PPP1CB: variants seen among roughly 807,000 people sequenced by gnomAD.
PPP1CB encodes the protein serine/threonine-protein phosphatase PP1-beta catalytic subunit.
PPP1CB carries 2 observed loss-of-function variants against 43.7 expected under a neutral mutation model. That is an observed-to-expected ratio of 0.05 (90% confidence interval 0.02 to 0.14). PPP1CB has a LOEUF of 0.14. Ranked by LOEUF, PPP1CB falls within the 10% of genes least tolerant of loss-of-function variation. The pLI is 1.00. For synonymous variants in PPP1CB, 136 were observed against 135.6 expected (o/e 1.00, Z -0.02); for missense variants, 84 against 398.0 (o/e 0.21, Z 6.71).
intron 1 of PPP1CB, among the ~76,000 whole-genome samples, chr2:28,770,057 T>C (rs1370791497): frequency 6.6e-6 from 1 of 152,012 alleles, no homozygotes; most frequent in East Asian, 1.9e-4. Context: ...TCACTTGAGG[T>C]CAGGAGTTCA....
intron 1 of PPP1CB, among the ~76,000 whole-genome samples, chr2:28,776,068 CA>C (rs986602877): frequency 6.6e-6 from 1 of 151,540 alleles, no homozygotes; most frequent in African/African-American, 2.4e-5. Context: ...GGTAACATTC[CA>C]AGAAAGTGTG....
intron 1 of PPP1CB, among the ~76,000 whole-genome samples, chr2:28,753,161 T>C (rs1286960070): frequency 6.6e-6 from 1 of 152,196 alleles, no homozygotes; most frequent in South Asian, 2.1e-4. Context: ...CATCAATAAT[T>C]GTTTTGTGAG....
chr2:28,792,350 AAAG>A (rs1471396434), intron 6 of PPP1CB, among the ~76,000 whole-genome samples: 1 of 151,964 alleles, frequency 6.6e-6, no homozygotes, highest in Non-Finnish European at 1.5e-5. Context: ...CGAAAAAAAA[AAAG>A]AAAAGAAATA....
intron 1 of PPP1CB, among the ~76,000 whole-genome samples, chr2:28,769,480 C>T (rs1666853603): frequency 1.3e-5 from 2 of 152,090 alleles, no homozygotes; most frequent in South Asian, 2.1e-4. Context: ...GAATATCCTT[C>T]AATAGTAAAG....
intron 1 of PPP1CB, among the ~76,000 whole-genome samples, chr2:28,760,328 G>T (rs1463683825): frequency 5.9e-5 from 9 of 152,008 alleles, no homozygotes; most frequent in Non-Finnish European, 1.3e-4. Flanking sequence ...GTAAGCAAAG[G>T]TTAATTTATT....
chr2:28,791,574 C>T (rs1428323061), intron 6 of PPP1CB, among the ~76,000 whole-genome samples: 3 of 152,058 alleles, frequency 2.0e-5, no homozygotes, highest in African/African-American at 4.8e-5. Flanking sequence ...GTGATCTGCC[C>T]GCCTCGGCCT....
chr2:28,775,895 G>A (rs1043405819), intron 1 of PPP1CB, among the ~76,000 whole-genome samples: 7 of 152,204 alleles, frequency 4.6e-5, no homozygotes, highest in African/African-American at 1.7e-4. Flanking sequence ...GCTCAGTAAT[G>A]CAAAGATGCC....
At chr2:28,771,899 T>C (rs1666921523) in intron 1 of PPP1CB, among the ~76,000 whole-genome samples, 1 of 151,582 alleles carries the variant, frequency 6.6e-6, no homozygotes, top group Non-Finnish European at 1.5e-5. Flanking sequence ...GAACTTCTGT[T>C]CATCAAAAGA....
At chr2:28,759,844 C>A (rs1474911120) in intron 1 of PPP1CB, among the ~76,000 whole-genome samples, 1 of 152,056 alleles carries the variant, frequency 6.6e-6, no homozygotes, top group African/African-American at 2.4e-5. Context: ...GTATTGATCT[C>A]CCGACCTCAG....
chr2:28,787,216 C>G (rs1667287799), intron 5 of PPP1CB, among the ~76,000 whole-genome samples: 1 of 152,094 alleles, frequency 6.6e-6, no homozygotes, highest in Non-Finnish European at 1.5e-5. Context: ...TCCCAGCACT[C>G]TGGGAGGCCG....
chr2:28,786,639 G>T (rs533250329), intron 5 of PPP1CB, among the ~76,000 whole-genome samples: 2 of 151,754 alleles, frequency 1.3e-5, no homozygotes, highest in Admixed American at 1.3e-4. Context: ...GCTGGGTGTG[G>T]CAGTGGGCGC....
intron 6 of PPP1CB, among the ~76,000 whole-genome samples, chr2:28,793,153 C>G (rs13019397): frequency 9.2e-5 from 14 of 151,928 alleles, no homozygotes; most frequent in Admixed American, 3.9e-4. Flanking sequence ...TGTAGTGAGC[C>G]GAGATCATGC....
rs1666296228 is a variant in PPP1CB at position 28,751,976 on chromosome 2, G to C, written c.-149G>C. On this transcript the variant is annotated 5_prime_UTR_variant, in exon 1 of 8. Transcript: ENST00000395366. The stretch of plus-strand genomic sequence containing the variant: ...TCTCGCTACCCGGCGGGGAGGGGGT[G>C]GGGGGAGGGCCCGGGAAAAGGGGGA... 1 of 711,880 alleles carries C rather than the reference G, an allele frequency of 1.4e-6. No individual in the cohort carries two copies. Among genetic ancestry groups the C allele is most frequent in the Non-Finnish European group, 2.5e-6 (1 of 404,234 alleles). 44.1% of individuals were successfully genotyped at this position (711,880 alleles called of 1,614,324 possible). A position where few individuals can be genotyped will look rare whatever the true frequency, so the allele number is the denominator to read the frequency against.
At position 28,751,838 on chromosome 2, in the gene PPP1CB, G is replaced by A. The variant is rs1355407742; in HGVS notation, c.-287G>A. 1 of 527,112 alleles carries A rather than the reference G, an allele frequency of 1.9e-6. No homozygotes were observed. Among genetic ancestry groups the A allele is most frequent in the Non-Finnish European group, 3.5e-6 (1 of 289,568 alleles). The allele number at this position is 527,112 out of a possible 1,614,324, so 32.7% of individuals were successfully genotyped here. A position where few individuals can be genotyped will look rare whatever the true frequency, so the allele number is the denominator to read the frequency against. On this transcript the variant is annotated 5_prime_UTR_variant, in exon 1 of 8. Transcript: ENST00000395366. ...CGGCGCTGGTGAGCTTTGCGGAGCT[G>A]GGCGGTGCCGAGGAGGAGGAGGTGG...
At chr2:28,784,681 G>A (rs2148053822) in intron 5 of PPP1CB, among the ~76,000 whole-genome samples, 1 of 152,160 alleles carries the variant, frequency 6.6e-6, no homozygotes, top group South Asian at 2.1e-4. Context: ...GCTTTGGGAG[G>A]CTGAGGTGGG....
intron 1 of PPP1CB, among the ~76,000 whole-genome samples, chr2:28,769,044 C>G (rs954511696): frequency 6.6e-6 from 1 of 151,998 alleles, no homozygotes; most frequent in Non-Finnish European, 1.5e-5. Flanking sequence ...AGAGAGAAAA[C>G]CATATTGAAC....
At chr2:28,796,525 T>TA in intron 7 of PPP1CB, among the ~76,000 whole-genome samples, 1 of 152,276 alleles carries the variant, frequency 6.6e-6, no homozygotes, top group Non-Finnish European at 1.5e-5. Flanking sequence ...TATTCCTTGA[T>TA]ATTCTTTTTG....
chr2:28,768,661 G>A lies in PPP1CB; in HGVS notation c.53-8190G>A, dbSNP rs140706672. ...GCCCTCAGGAAAATGAGTTACTGCT[G>A]TGCTGCTGCTAAAAGGAAACAGCCT... On this transcript the variant is annotated intron_variant, in intron 1 of 7. Coordinates refer to ENST00000395366, the MANE Select transcript of PPP1CB (RefSeq NM_002709.3). 2.1e-3 allele frequency among the ~76,000 whole-genome samples: 318 copies of A among 152,284 alleles called. 5 individuals carry two copies. Among genetic ancestry groups the A allele is most frequent in the African/African-American group, 7.3e-3 (302 of 41,558 alleles).
intron 7 of PPP1CB, among the ~76,000 whole-genome samples, chr2:28,798,610 T>G (rs1667543686): frequency 6.7e-6 from 1 of 148,766 alleles, no homozygotes; most frequent in African/African-American, 2.5e-5. Flanking sequence ...ATGATGCCAG[T>G]TATATGAAAT....
Sources: gnomAD v4.1 joint callset for allele counts (sites outside exome capture counted in the v4.1 genomes callset) on GRCh38, gnomAD v4.1.1 for gene constraint, MANE v1.5 for transcripts, NCBI Gene and HGNC (gene_info 2026-07-23, HGNC 2026-07-21) for gene names.